PJA2: variants seen among roughly 807,000 people sequenced by gnomAD.
PJA2 encodes the protein praja ring finger ubiquitin ligase 2, also known as E3 ubiquitin-protein ligase Praja-2.
PJA2 carries 25 observed loss-of-function variants against 69.3 expected under a neutral mutation model. The ratio of observed to expected loss-of-function variants is 0.36; its 90% CI spans 0.26 to 0.50. PJA2 has a LOEUF of 0.50. Ranked by LOEUF, PJA2 falls within the 20% of genes least tolerant of loss-of-function variation. The pLI, the probability that PJA2 is intolerant of heterozygous loss-of-function variation, is 0.96. For missense variants in PJA2, 809 were observed against 830.2 expected (o/e 0.97, Z 0.31); for synonymous variants, 308 against 277.8 (o/e 1.11, Z -1.08).
chr5:109,341,365 G>A (rs1214383480), intron 9 of PJA2, among the ~76,000 whole-genome samples: 8 of 145,902 alleles, frequency 5.5e-5, no homozygotes, highest in African/African-American at 1.3e-4. Context: ...ATCTCTGCCC[G>A]GCCGCCCCGT....
At chr5:109,388,371 T>C (rs1747206121) in intron 1 of PJA2, among the ~76,000 whole-genome samples, 1 of 152,154 alleles carries the variant, frequency 6.6e-6, no homozygotes, top group Admixed American at 6.5e-5. Context: ...CTGCAACCTC[T>C]TGAGAGACTT....
Position 109,337,317 on chromosome 5 carries a change from C to T in PJA2, c.2041G>A (p.Ala681Thr). The T allele has an allele frequency of 6.2e-7, 1 of 1,612,838 alleles. No homozygotes were observed. The highest frequency in any genetic ancestry group is 8.5e-7 in the Non-Finnish European group (1 of 1,179,602). The change falls in exon 10 of 10, where the codon GCG becomes ACG. Residue 681 changes from alanine to threonine, a missense_variant. Physicochemically the swap from Ala to Thr is moderately conservative, Grantham distance 58. Coordinates refer to ENST00000361189, the MANE Select transcript of PJA2 (RefSeq NM_014819.5). ...CPVCRRHFPP[A>T]VIEASAAPSS... ...GGAGCTGCAGATGCTTCAATAACCG[C>T]AGGTGGGAAATGACGGCGGCACACA...
intron 6 of PJA2, among the ~76,000 whole-genome samples, chr5:109,357,460 A>C (rs1318673373): frequency 1.3e-5 from 2 of 152,328 alleles, no homozygotes; most frequent in East Asian, 3.9e-4. Flanking sequence ...ATGCACATAT[A>C]ATCACAGATT....
At chr5:109,392,578 A>G (rs1412982765) in intron 1 of PJA2, among the ~76,000 whole-genome samples, 5 of 150,792 alleles carry the variant, frequency 3.3e-5, no homozygotes, top group Admixed American at 6.6e-5. Context: ...AAAAAAAAAA[A>G]GTGTCAAACA....
chr5:109,342,878 TGG>T (rs756987255), intron 9 of PJA2, among the ~76,000 whole-genome samples: 162 of 5,588 alleles, frequency 0.029, no homozygotes, highest in African/African-American at 0.048. Flanking sequence ...GGGAGGGAGG[TGG>T]GGGGGGGGTC....
chr5:109,367,143 A>AAAAAATATAT (rs1252162401), intron 5 of PJA2, among the ~76,000 whole-genome samples: 1 of 143,214 alleles, frequency 7.0e-6, no homozygotes, highest in African/African-American at 2.6e-5. Flanking sequence ...CAAAAAAAAA[A>AAAAAATATAT]ATATATATAT....
At chr5:109,358,425 T>A (rs1352793167) in intron 6 of PJA2, among the ~76,000 whole-genome samples, 2 of 152,120 alleles carry the variant, frequency 1.3e-5, no homozygotes, top group Non-Finnish European at 2.9e-5. Context: ...TGTGGGTAAA[T>A]CTTTGTTTGG....
In PJA2 at chr5:109,378,756, C is replaced by A; in HGVS notation, c.731G>T (p.Gly244Val). Reference protein sequence around the residue: ...DSVPLVKSSAGDTEFVHQNSQ... With the variant: ...DSVPLVKSSAVDTEFVHQNSQ... ...ATTCTGATGGACAAACTCAGTATCA[C>A]CAGCAGAACTTTTCACTAATGGTAC... is the stretch of plus-strand genomic sequence containing the variant. The change falls in exon 4 of 10, where the codon GGT (glycine) becomes GTT (valine). Residue 244 changes from glycine to valine, a missense_variant. By Grantham distance (109) the Gly-to-Val change is moderately radical (BLOSUM62 -3). Around this residue, in one of 4 missense-constraint regions of PJA2, gnomAD observed 700 missense variants for 639.5 expected, o/e 1.09. Coordinates refer to ENST00000361189, the MANE Select transcript of PJA2 (RefSeq NM_014819.5). 1 of 1,612,396 alleles carries A rather than the reference C, an allele frequency of 6.2e-7. No individual in the cohort carries two copies. Among genetic ancestry groups the A allele is most frequent in the Non-Finnish European group, 8.5e-7 (1 of 1,180,000 alleles).
intron 1 of PJA2, among the ~76,000 whole-genome samples, chr5:109,399,142 C>CAGAGGTTGCAGTGAGCCGAG (rs1747484466): frequency 1.4e-5 from 2 of 146,994 alleles, no homozygotes; most frequent in African/African-American, 5.1e-5. Flanking sequence ...ACCTGCGTGG[C>CAGAGGTTGCAGTGAGCCGAG]AGAGGTTGCA....
chr5:109,350,739 C>A (rs930087071), intron 7 of PJA2, among the ~76,000 whole-genome samples: 2 of 152,174 alleles, frequency 1.3e-5, no homozygotes, highest in African/African-American at 4.8e-5. Context: ...CACAGCCAAA[C>A]TCTTTAACAC....
intron 4 of PJA2, among the ~76,000 whole-genome samples, chr5:109,375,922 T>A (rs891665056): frequency 6.6e-6 from 1 of 152,166 alleles, no homozygotes; most frequent in Admixed American, 6.5e-5. Flanking sequence ...CACAGCAGCA[T>A]AGAAACAGAG....
intron 4 of PJA2, among the ~76,000 whole-genome samples, chr5:109,369,554 A>G (rs1290550485): frequency 6.6e-6 from 1 of 152,236 alleles, no homozygotes; most frequent in Non-Finnish European, 1.5e-5. Flanking sequence ...CTTTCAAATT[A>G]TATACTGACA....
chr5:109,337,144 T>C lies in PJA2; in HGVS notation c.*87A>G, dbSNP rs1425569192. On this transcript the variant is annotated 3_prime_UTR_variant, in exon 10 of 10. Coordinates refer to ENST00000361189, the MANE Select transcript of PJA2 (RefSeq NM_014819.5). ...ATACTATATATAGCATTTTTAAATA[T>C]ATTTATATATAATTATTTGCACATG... 2.4e-6 allele frequency: 3 copies of C among 1,237,684 alleles called. No homozygotes were observed. Among genetic ancestry groups the C allele is most frequent in the Admixed American group, 2.5e-5 (1 of 39,698 alleles). The allele number at this position is 1,237,684 out of a possible 1,614,324, so 76.7% of individuals were successfully genotyped here.
Position 109,406,561 on chromosome 5 carries a change from T to C in PJA2, c.-88+3281A>G, listed in dbSNP as rs576774966. Among the ~76,000 whole-genome samples the C allele has an allele frequency of 1.6e-3, 241 of 152,304 alleles. 9 individuals carry two copies. The South Asian group carries it at 0.047, about 30-fold the overall frequency. On this transcript the variant is annotated intron_variant, in intron 1 of 9. Coordinates refer to ENST00000361189, the MANE Select transcript of PJA2 (RefSeq NM_014819.5). ...TGATGTGGAGCAATTGGAACTGTCATACACTGCTGATGGATATGTAAAATG... is the reference window on the plus strand; with the variant it reads ...TGATGTGGAGCAATTGGAACTGTCACACACTGCTGATGGATATGTAAAATG...
chr5:109,368,695 A>C lies in PJA2; in HGVS notation c.1335T>G (p.Ser445=), dbSNP rs932359236. The part of the protein sequence containing the change: ...EWSASLPHRF[S]GTEKDQSSSD... ...TTGAGGATTGATCTTTTTCTGTACCAGAAAATCGATGAGGCAAAGAAGCAG... is the reference window on the plus strand; with the variant it reads ...TTGAGGATTGATCTTTTTCTGTACCCGAAAATCGATGAGGCAAAGAAGCAG... Residue 445 remains serine (S), a synonymous_variant, in exon 5 of 10, where the codon TCT becomes TCG. Transcript: ENST00000361189. The C allele has an allele frequency of 6.2e-7, 1 of 1,614,030 alleles. No individual in the cohort carries two copies. The highest frequency in any genetic ancestry group is 1.3e-5 in the African/African-American group (1 of 74,918).
At chr5:109,387,597 C>T (rs1561361014) in intron 1 of PJA2, among the ~76,000 whole-genome samples, 2 of 152,282 alleles carry the variant, frequency 1.3e-5, no homozygotes, top group South Asian at 2.1e-4. Flanking sequence ...CTTACTAATA[C>T]TAAAACAAAT....
chr5:109,352,742 T>C (rs189909363), intron 7 of PJA2, among the ~76,000 whole-genome samples: 58 of 152,048 alleles, frequency 3.8e-4, no homozygotes, highest in Non-Finnish European at 6.0e-4. Flanking sequence ...TGTATATGCA[T>C]GCATGTGTGT....
Position 109,356,495 on chromosome 5 carries a change from C to G in PJA2, c.1653-469G>C, listed in dbSNP as rs549985487. Reference sequence around the variant, plus strand: ...TCAACTGGAAGTATATGTAAATATTCCAAAATCTAGGAAAAGAATCCCAAA... The same window carrying G: ...TCAACTGGAAGTATATGTAAATATTGCAAAATCTAGGAAAAGAATCCCAAA... On this transcript the variant is annotated intron_variant, in intron 6 of 9. Coordinates refer to ENST00000361189, the MANE Select transcript of PJA2 (RefSeq NM_014819.5). Among the ~76,000 whole-genome samples the G allele has an allele frequency of 8.9e-4, 136 of 152,162 alleles. 1 individual carries two copies. Among genetic ancestry groups the G allele is most frequent in the African/African-American group, 2.9e-3 (122 of 41,530 alleles).
Position 109,404,073 on chromosome 5 carries a change from AAACAAC to A in PJA2, c.-88+5763_-88+5768del, listed in dbSNP as rs139131450. Among the ~76,000 whole-genome samples, 470 of 150,368 alleles carry A rather than the reference AAACAAC, an allele frequency of 3.1e-3. 1 individual carries two copies. The highest frequency in any genetic ancestry group is 4.9e-3 in the Non-Finnish European group (332 of 67,564). ...GCAACAGAGCAAGACTCCATCTCAAAAACAACAACAACAACAACAACAACAACAAAA... is the reference window on the plus strand; with the variant it reads ...GCAACAGAGCAAGACTCCATCTCAAAAACAACAACAACAACAACAACAAAA... On this transcript the variant is annotated intron_variant, in intron 1 of 9. Coordinates refer to ENST00000361189, the MANE Select transcript of PJA2 (RefSeq NM_014819.5).
Sources: gnomAD v4.1 joint callset for allele counts (sites outside exome capture counted in the v4.1 genomes callset) on GRCh38, gnomAD v4.1.1 for gene constraint, gnomAD v4.1.1 regional missense constraint, MANE v1.5 for transcripts, NCBI Gene and HGNC (gene_info 2026-07-23, HGNC 2026-07-21) for gene names.